The following NPAS3 variants were observed in gnomAD, a reference collection of about 807,000 sequenced individuals.
The protein encoded by NPAS3 is neuronal PAS domain protein 3, also known as neuronal PAS domain-containing protein 3.
In NPAS3, 14 loss-of-function variants were observed where a neutral mutation model predicts 73.1. The ratio of observed to expected loss-of-function variants is 0.19; its 90% CI spans 0.13 to 0.30. The LOEUF is 0.30. Ranked by LOEUF, NPAS3 falls within the 10% of genes least tolerant of loss-of-function variation. The pLI, the probability that NPAS3 is intolerant of heterozygous loss-of-function variation, is 1.00. For synonymous variants in NPAS3, 620 were observed against 541.5 expected, an observed-to-expected ratio of 1.14 and a Z score of -2.01; for missense variants, 1,096 against 1,250.0, an observed-to-expected ratio of 0.88 and a Z score of 1.86.
chr14:33,399,553 C>T (rs937579456), intron 4 of NPAS3, among the ~76,000 whole-genome samples: 1 of 152,006 alleles, frequency 6.6e-6, no homozygotes, highest in Admixed American at 6.6e-5. Context: ...GATAGAAGAC[C>T]ACTGCATGCC....
At chr14:32,998,535 C>T (rs1420932207) in intron 1 of NPAS3, among the ~76,000 whole-genome samples, 1 of 152,132 alleles carries the variant, frequency 6.6e-6, no homozygotes, top group East Asian at 1.9e-4. Context: ...GTGAATTTCA[C>T]TTCAATTAAA....
At chr14:32,967,164 A>C (rs2037209061) in intron 1 of NPAS3, among the ~76,000 whole-genome samples, 1 of 152,094 alleles carries the variant, frequency 6.6e-6, no homozygotes, top group African/African-American at 2.4e-5. Flanking sequence ...CTTCCTCCTC[A>C]GCCTACTCAA....
At chr14:33,293,181 C>T (rs1217059159) in intron 3 of NPAS3, among the ~76,000 whole-genome samples, 1 of 152,058 alleles carries the variant, frequency 6.6e-6, no homozygotes. Context: ...TTTGCTTACT[C>T]ATAGTTTAAT....
chr14:33,055,959 A>G, exon 2 of NPAS3: 1 of 810,386 alleles, frequency 1.2e-6, no homozygotes, highest in Non-Finnish European at 2.1e-6. Flanking sequence ...AAATCTACAG[A>G]TATGACGGAA....
chr14:33,060,709 G>A (rs2041067186), intron 2 of NPAS3, among the ~76,000 whole-genome samples: 1 of 152,182 alleles, frequency 6.6e-6, no homozygotes, highest in Admixed American at 6.5e-5. Flanking sequence ...AGTTGTGATT[G>A]TCTATAGCCC....
intron 2 of NPAS3, among the ~76,000 whole-genome samples, chr14:33,087,686 C>T (rs1053097748): frequency 6.6e-6 from 1 of 152,028 alleles, no homozygotes; most frequent in African/African-American, 2.4e-5. Flanking sequence ...TATACAAGTA[C>T]TAAGTCATTG....
chr14:33,206,125 TTAAA>T (rs1425652044), intron 2 of NPAS3, among the ~76,000 whole-genome samples: 1 of 152,162 alleles, frequency 6.6e-6, no homozygotes, highest in African/African-American at 2.4e-5. Context: ...TGATTATAAA[TTAAA>T]TAAAAATTTT....
intron 3 of NPAS3, among the ~76,000 whole-genome samples, chr14:33,320,825 C>G (rs2043411070): frequency 6.6e-6 from 1 of 152,064 alleles, no homozygotes; most frequent in Admixed American, 6.6e-5. Context: ...GATTGACTAC[C>G]ATTTTGTTAA....
intron 3 of NPAS3, among the ~76,000 whole-genome samples, chr14:33,306,997 C>T (rs1189052035): frequency 6.6e-6 from 1 of 152,132 alleles, no homozygotes; most frequent in Non-Finnish European, 1.5e-5. Context: ...CTTCTAAGGC[C>T]TTCCAGGCTG....
chr14:33,219,375 T>A (rs1280926404), intron 3 of NPAS3, among the ~76,000 whole-genome samples: 1 of 152,250 alleles, frequency 6.6e-6, no homozygotes, highest in African/African-American at 2.4e-5. Flanking sequence ...TAGGAATATT[T>A]ACCATTGCAG....
chr14:33,095,327 A>G (rs1452566037), intron 2 of NPAS3, among the ~76,000 whole-genome samples: 2 of 152,320 alleles, frequency 1.3e-5, no homozygotes, highest in East Asian at 3.9e-4. Context: ...TTAATTATTC[A>G]GGTGGATGAC....
intron 3 of NPAS3, among the ~76,000 whole-genome samples, chr14:33,221,769 A>AT (rs2047438687): frequency 6.6e-6 from 1 of 152,146 alleles, no homozygotes; most frequent in Admixed American, 6.5e-5. Flanking sequence ...CTGTAGCAAC[A>AT]TTGAGTGGTA....
At chr14:33,398,396 T>G (rs2047312135) in intron 4 of NPAS3, among the ~76,000 whole-genome samples, 1 of 103,270 alleles carries the variant, frequency 9.7e-6, no homozygotes, top group African/African-American at 2.9e-5. Flanking sequence ...TGAACCTTTG[T>G]TATTTTCCTT....
intron 4 of NPAS3, among the ~76,000 whole-genome samples, chr14:33,464,665 C>T (rs1302828390): frequency 6.6e-6 from 1 of 152,202 alleles, no homozygotes; most frequent in Non-Finnish European, 1.5e-5. Flanking sequence ...GCAGCTGTGA[C>T]ACAAGTTGTA....
At chr14:33,330,417 C>A (rs778216549) in intron 3 of NPAS3, among the ~76,000 whole-genome samples, 4 of 152,140 alleles carry the variant, frequency 2.6e-5, no homozygotes, top group Admixed American at 6.6e-5. Flanking sequence ...GCAAGTCACT[C>A]TTACAGAGCT....
chr14:33,468,668 A>G (rs903329010), intron 4 of NPAS3, among the ~76,000 whole-genome samples: 9 of 152,144 alleles, frequency 5.9e-5, no homozygotes, highest in Non-Finnish European at 8.8e-5. Context: ...TTCACAAAGT[A>G]TTGTTAAAAG....
intron 5 of NPAS3, among the ~76,000 whole-genome samples, chr14:33,608,919 T>C (rs1403884934): frequency 2.6e-5 from 4 of 152,166 alleles, no homozygotes; most frequent in Non-Finnish European, 4.4e-5. Context: ...CACCCAGACA[T>C]ACGGTGCATA....
intron 6 of NPAS3, among the ~76,000 whole-genome samples, chr14:33,716,751 C>G (rs1385839095): frequency 6.6e-6 from 1 of 151,964 alleles, no homozygotes; most frequent in South Asian, 2.1e-4. Flanking sequence ...TTTTCCTGGT[C>G]GTTGTGCCCC....
At chr14:33,239,287 C>A (rs2048140421) in intron 3 of NPAS3, among the ~76,000 whole-genome samples, 1 of 151,828 alleles carries the variant, frequency 6.6e-6, no homozygotes, top group African/African-American at 2.4e-5. Flanking sequence ...AAAACCACTT[C>A]ATCCAACAGA....
Sources: gnomAD v4.1 joint callset for allele counts (sites outside exome capture counted in the v4.1 genomes callset) on GRCh38, gnomAD v4.1.1 for gene constraint, MANE v1.5 for transcripts, NCBI Gene and HGNC (gene_info 2026-07-23, HGNC 2026-07-21) for gene names.